Variants in FARS2 observed in about 807,000 individuals in gnomAD.
FARS2 encodes the protein phenylalanine--tRNA ligase, mitochondrial.
FARS2 carries 40 observed loss-of-function variants against 46.4 expected under a neutral mutation model. That is an observed-to-expected ratio of 0.86 (90% CI 0.67 to 1.12). FARS2 has a LOEUF of 1.12. Among genes scored for constraint, FARS2 ranks in the 50% most tolerant of loss-of-function variants. The pLI, the probability that FARS2 is intolerant of heterozygous loss-of-function variation, is 0.00. For missense variants in FARS2, 513 were observed against 567.9 expected, an observed-to-expected ratio of 0.90 and a Z score of 0.98; for synonymous variants, 234 against 214.9, an observed-to-expected ratio of 1.09 and a Z score of -0.78.
intron 5 of FARS2, among the ~76,000 whole-genome samples, chr6:5,560,866 C>T (rs1033254429): frequency 3.3e-4 from 51 of 152,250 alleles, no homozygotes; most frequent in African/African-American, 8.2e-4. Context: ...CTGTGGCTCA[C>T]GCCTGTAATC....
chr6:5,478,236 C>A (rs548340778), intron 4 of FARS2, among the ~76,000 whole-genome samples: 3 of 152,156 alleles, frequency 2.0e-5, no homozygotes, highest in East Asian at 1.9e-4. Context: ...ATTAGCCTAA[C>A]CTGTGACCAG....
intron 2 of FARS2, among the ~76,000 whole-genome samples, chr6:5,375,183 A>G (rs574448584): frequency 2.6e-5 from 4 of 152,074 alleles, no homozygotes; most frequent in Non-Finnish European, 5.9e-5. Flanking sequence ...AAAAGAATAT[A>G]CAGATCAACT....
At chr6:5,724,360 G>A (rs1374695199) in intron 6 of FARS2, among the ~76,000 whole-genome samples, 1 of 152,210 alleles carries the variant, frequency 6.6e-6, no homozygotes, top group African/African-American at 2.4e-5. Context: ...GGACTCCGTT[G>A]CTGGAGCCAT....
rs539647868 is a variant in FARS2 at position 5,367,786 on chromosome 6, A to C, written c.-21-764A>C. The stretch of plus-strand genomic sequence containing the variant: ...CCAAAGGTGTAATTGAGAGGATGCC[A>C]CAAAGGTATTAAGTTTAAGTGACAT... On this transcript the variant is annotated intron_variant, in intron 1 of 6. Transcript: ENST00000274680. 6.6e-5 allele frequency among the ~76,000 whole-genome samples: 10 copies of C among 152,320 alleles called. No individual in the cohort carries two copies. In the South Asian group the frequency reaches 2.1e-3, roughly 32 times the overall value.
rs567323127 is a variant in FARS2, at chr6:5,280,928, A to G, written c.-22+19268A>G. On this transcript the variant is annotated intron_variant, in intron 1 of 6. Coordinates refer to ENST00000274680, the MANE Select transcript of FARS2 (RefSeq NM_006567.5). ...TGACATTTTATGATTTACTATTGGC[A>G]TTGTATTTTCCTTCCATTTTTAATT... 5.3e-5 allele frequency among the ~76,000 whole-genome samples: 8 copies of G among 152,244 alleles called. 1 individual carries two copies. In the South Asian group the frequency reaches 1.5e-3, roughly 28 times the overall value.
intron 4 of FARS2, among the ~76,000 whole-genome samples, chr6:5,443,803 G>A (rs1245291348): frequency 6.6e-6 from 1 of 152,190 alleles, no homozygotes; most frequent in Non-Finnish European, 1.5e-5. Flanking sequence ...CTTACCGAGG[G>A]CTCATAGAAT....
rs74514277 is a variant in FARS2 at position 5,600,814 on chromosome 6, T to C, written c.1066-12355T>C. ...AATGTTGGATTTGGTGTTATTTACATAATTGTTAATTAGGCTGAATAGACT... is the reference window on the plus strand; with the variant it reads ...AATGTTGGATTTGGTGTTATTTACACAATTGTTAATTAGGCTGAATAGACT... On this transcript the variant is annotated intron_variant, in intron 5 of 6. Transcript: ENST00000274680. 7.8e-3 allele frequency among the ~76,000 whole-genome samples: 1,190 copies of C among 152,338 alleles called. 7 individuals carry two copies. The highest frequency in any genetic ancestry group is 0.016 in the South Asian group (75 of 4,824).
At chr6:5,316,551 G>A (rs552237289) in intron 1 of FARS2, among the ~76,000 whole-genome samples, 7 of 152,290 alleles carry the variant, frequency 4.6e-5, no homozygotes, top group Admixed American at 3.3e-4. Flanking sequence ...GGAATGACAG[G>A]TGACCGGAAG....
At chr6:5,438,409 T>G (rs1326675189) in intron 4 of FARS2, among the ~76,000 whole-genome samples, 2 of 151,940 alleles carry the variant, frequency 1.3e-5, no homozygotes, top group Non-Finnish European at 2.9e-5. Flanking sequence ...TTTTTCAGAT[T>G]GGATAATTTC....
chr6:5,295,174 C>T (rs894391605), intron 1 of FARS2, among the ~76,000 whole-genome samples: 5 of 152,136 alleles, frequency 3.3e-5, no homozygotes, highest in Admixed American at 6.5e-5. Context: ...AACTAATACA[C>T]GCTACACACC....
At chr6:5,760,263 A>G (rs1016633094) in intron 6 of FARS2, among the ~76,000 whole-genome samples, 1 of 152,234 alleles carries the variant, frequency 6.6e-6, no homozygotes, top group African/African-American at 2.4e-5. Context: ...TCTACTCATG[A>G]ATAATGGGGG....
Position 5,711,291 on chromosome 6 carries a change from GATGA to G in FARS2, c.1218-59974_1218-59971del, listed in dbSNP as rs34840036. ...TACCAATATAAATGAATGCGGGATG[GATGA>G]ATGAATGAATGAATGAATGAATGAA... On this transcript the variant is annotated intron_variant, in intron 6 of 6. Coordinates refer to ENST00000274680, the MANE Select transcript of FARS2 (RefSeq NM_006567.5). Among the ~76,000 whole-genome samples, 116 of 151,382 alleles carry G rather than the reference GATGA, an allele frequency of 7.7e-4. 1 individual carries two copies. Among genetic ancestry groups the G allele is most frequent in the East Asian group, 3.5e-3 (18 of 5,172 alleles).
intron 3 of FARS2, among the ~76,000 whole-genome samples, chr6:5,410,946 GT>G (rs1761911365): frequency 6.6e-6 from 1 of 152,156 alleles, no homozygotes; most frequent in Admixed American, 6.5e-5. Flanking sequence ...AAAGTGCCAT[GT>G]AAAAATCACA....
intron 2 of FARS2, among the ~76,000 whole-genome samples, chr6:5,401,298 G>C (rs749065317): frequency 2.6e-5 from 4 of 151,822 alleles, no homozygotes; most frequent in African/African-American, 4.8e-5. Flanking sequence ...TCTTTAGAAA[G>C]GTTATATTTT....
At chr6:5,269,953 C>T (rs1765831343) in intron 1 of FARS2, among the ~76,000 whole-genome samples, 2 of 152,164 alleles carry the variant, frequency 1.3e-5, no homozygotes, top group South Asian at 4.1e-4. Context: ...GCCTGGCAAA[C>T]TTGTAATCTG....
chr6:5,678,938 T>TTC (rs1435983381), intron 6 of FARS2, among the ~76,000 whole-genome samples: 2 of 152,222 alleles, frequency 1.3e-5, no homozygotes, highest in Non-Finnish European at 2.9e-5. Context: ...CCTGGAGATT[T>TTC]TCCCCACTGT....
At chr6:5,605,114 A>G (rs1774756772) in intron 5 of FARS2, among the ~76,000 whole-genome samples, 1 of 152,192 alleles carries the variant, frequency 6.6e-6, no homozygotes, top group Admixed American at 6.5e-5. Context: ...ACAGATCAAA[A>G]TCTAAAAAGC....
At chr6:5,562,893 TC>T (rs1273848597) in intron 5 of FARS2, among the ~76,000 whole-genome samples, 1 of 151,474 alleles carries the variant, frequency 6.6e-6, no homozygotes, top group African/African-American at 2.4e-5. Flanking sequence ...AACCTCTATC[TC>T]CCAGATTGAA....
At chr6:5,680,647 A>G (rs1487745823) in intron 6 of FARS2, among the ~76,000 whole-genome samples, 3 of 151,888 alleles carry the variant, frequency 2.0e-5, no homozygotes, top group African/African-American at 7.3e-5. Context: ...CTACCACCTA[A>G]TCCATAACCC....
Sources: gnomAD v4.1 joint callset for allele counts (sites outside exome capture counted in the v4.1 genomes callset) on GRCh38, gnomAD v4.1.1 for gene constraint, MANE v1.5 for transcripts, NCBI Gene and HGNC (gene_info 2026-07-23, HGNC 2026-07-21) for gene names.